Variants in TBC1D14 observed in about 807,000 individuals in gnomAD.
TBC1D14 encodes the protein TBC1 domain family member 14.
TBC1D14 carries 26 observed loss-of-function variants against 79.0 expected under a neutral mutation model. The ratio of observed to expected loss-of-function variants is 0.33; its 90% CI spans 0.24 to 0.46. The LOEUF (loss-of-function observed/expected upper bound fraction) is 0.46. Ranked by LOEUF, TBC1D14 falls within the 20% of genes least tolerant of loss-of-function variation. TBC1D14 has a pLI of 1.00. For missense variants in TBC1D14, 769 were observed against 887.6 expected (o/e 0.87, Z 1.70); for synonymous variants, 394 against 349.9 (o/e 1.13, Z -1.40).
At chr4:6,921,214 T>G (rs147397878) in intron 1 of TBC1D14, among the ~76,000 whole-genome samples, 7 of 152,202 alleles carry the variant, frequency 4.6e-5, no homozygotes, top group African/African-American at 1.7e-4. Flanking sequence ...TTTTTATTTA[T>G]TTATTTTTGA....
chr4:6,924,462 C>CT (rs1448267919), intron 2 of TBC1D14, among the ~76,000 whole-genome samples: 1 of 152,136 alleles, frequency 6.6e-6, no homozygotes, highest in Non-Finnish European at 1.5e-5. Context: ...GCAGAGGGCA[C>CT]TGGTGAGGGT....
At chr4:6,910,818 T>C (rs1327686815) in intron 1 of TBC1D14, among the ~76,000 whole-genome samples, 1 of 152,172 alleles carries the variant, frequency 6.6e-6, no homozygotes, top group African/African-American at 2.4e-5. Context: ...TAGCGTGGAA[T>C]TGGAAGCTTT....
chr4:6,988,064 G>A (rs952526188), intron 3 of TBC1D14, among the ~76,000 whole-genome samples: 1 of 152,190 alleles, frequency 6.6e-6, no homozygotes, highest in African/African-American at 2.4e-5. Flanking sequence ...GGGGTTAGCC[G>A]GGGCTGCCTT....
At position 6,923,759 on chromosome 4, in the gene TBC1D14, G is replaced by C; in HGVS notation, c.370G>C (p.Val124Leu). The change falls in exon 2 of 14, where the codon GTG (valine) becomes CTG (leucine). Residue 124 changes from valine (V) to leucine (L), a missense_variant. Coordinates refer to ENST00000409757, the MANE Select transcript of TBC1D14 (RefSeq NM_020773.3). ...TAGCAGCACCGAGCGGGAACAGAGCGTGCGCAAATCCTCCACGTTTCCCAG... is the reference window on the plus strand; with the variant it reads ...TAGCAGCACCGAGCGGGAACAGAGCCTGCGCAAATCCTCCACGTTTCCCAG... ...APSSTEREQS[V>L]RKSSTFPRTG... 6.2e-7 allele frequency: 1 copy of C among 1,614,036 alleles called. No homozygotes were observed. Among genetic ancestry groups the C allele is most frequent in the Non-Finnish European group, 8.5e-7 (1 of 1,180,048 alleles).
chr4:6,954,030 C>G (rs1329550365), intron 2 of TBC1D14, among the ~76,000 whole-genome samples: 1 of 152,298 alleles, frequency 6.6e-6, no homozygotes, highest in East Asian at 1.9e-4. Context: ...AGCCGTGTCC[C>G]AGGCCCGAGA....
intron 2 of TBC1D14, among the ~76,000 whole-genome samples, chr4:6,931,048 G>A (rs1040657370): frequency 1.3e-5 from 2 of 151,982 alleles, no homozygotes; most frequent in African/African-American, 2.4e-5. Flanking sequence ...TTACAGGTGC[G>A]CACTACCACA....
chr4:7,025,190 C>T lies in TBC1D14; in HGVS notation c.1944C>T (p.Asp648=). 6.2e-7 allele frequency: 1 copy of T among 1,614,214 alleles called. No homozygotes were observed. Among genetic ancestry groups the T allele is most frequent in the Non-Finnish European group, 8.5e-7 (1 of 1,180,032 alleles). The change falls in exon 13 of 14, where the codon GAC becomes GAT. Residue 648 remains aspartate (D), a synonymous_variant. Coordinates refer to ENST00000409757, the MANE Select transcript of TBC1D14 (RefSeq NM_020773.3). ...AGTTCCTGACCCGGCTGCCCGAGGA[C>T]CTGCCCGCCGAGGAGCTGTTTGCCT... ...MAQFLTRLPE[D]LPAEELFASI...
At chr4:6,944,763 G>T (rs1363666348) in intron 2 of TBC1D14, among the ~76,000 whole-genome samples, 1 of 152,202 alleles carries the variant, frequency 6.6e-6, no homozygotes, top group East Asian at 1.9e-4. Context: ...TCCCTGCACT[G>T]GTTCCACGGG....
intron 3 of TBC1D14, chr4:6,987,089 T>G: frequency 2.2e-6 from 2 of 907,536 alleles, no homozygotes; most frequent in Non-Finnish European, 2.7e-6. Flanking sequence ...CCCCGCCCCT[T>G]GTGCCCGCCC....
At chr4:7,026,578 T>C (rs908264731) in intron 13 of TBC1D14, among the ~76,000 whole-genome samples, 6 of 152,164 alleles carry the variant, frequency 3.9e-5, no homozygotes, top group Admixed American at 2.0e-4. Flanking sequence ...AGCCCTCTCT[T>C]GCTTGCCTTT....
intron 13 of TBC1D14, among the ~76,000 whole-genome samples, chr4:7,029,011 T>G (rs1483507909): frequency 2.0e-5 from 3 of 152,206 alleles, no homozygotes; most frequent in East Asian, 1.9e-4. Context: ...CCAATATTTG[T>G]TTGTTTTTGT....
intron 8 of TBC1D14, 72 bp downstream of exon 8, chr4:7,004,996 A>G: frequency 2.2e-6 from 3 of 1,382,110 alleles, no homozygotes; most frequent in South Asian, 1.2e-5. Context: ...CATAGTGAAG[A>G]AAGTTGACGT....
At chr4:7,015,926 A>G (rs985241190) in intron 12 of TBC1D14, among the ~76,000 whole-genome samples, 3 of 152,246 alleles carry the variant, frequency 2.0e-5, no homozygotes, top group Non-Finnish European at 4.4e-5. Flanking sequence ...GGCACGTTCC[A>G]CTAAATCGTA....
In TBC1D14 at chr4:6,999,191, C is replaced by G. The variant is rs989051988; in HGVS notation, c.1152C>G (p.Asn384Lys). 6.2e-7 allele frequency: 1 copy of G among 1,613,504 alleles called. No homozygotes were observed. Among genetic ancestry groups the G allele is most frequent in the Middle Eastern group, 1.7e-4 (1 of 6,042 alleles). Reference sequence around the variant, plus strand: ...CCTGGAATAATGAGATCTTACCTAACTGGGAAACAATGTAAGATGTGGCTC... The same window carrying G: ...CCTGGAATAATGAGATCTTACCTAAGTGGGAAACAATGTAAGATGTGGCTC... Reference protein sequence around the residue: ...VLTWNNEILPNWETMWCSRKV... With the variant: ...VLTWNNEILPKWETMWCSRKV... Residue 384 changes from asparagine to lysine, a missense_variant, in exon 6 of 14, where the codon AAC becomes AAG. Asn to Lys is a moderately conservative substitution (Grantham distance 94). Around this residue, in one of 2 missense-constraint regions of TBC1D14, gnomAD observed 367 missense variants for 494.4 expected, o/e 0.74. Transcript: ENST00000409757.
chr4:6,984,766 T>G (rs1463890450), intron 3 of TBC1D14, among the ~76,000 whole-genome samples: 1 of 152,210 alleles, frequency 6.6e-6, no homozygotes, highest in African/African-American at 2.4e-5. Flanking sequence ...TTGAGCACCT[T>G]CTCTCTGGTA....
intron 12 of TBC1D14, among the ~76,000 whole-genome samples, chr4:7,023,830 C>T (rs149990240): frequency 1.3e-3 from 197 of 152,370 alleles, no homozygotes; most frequent in African/African-American, 4.3e-3. Flanking sequence ...GCTCGCATAG[C>T]ACACAGCGCC....
rs1009863650 is a variant in TBC1D14, at chr4:6,960,081, C to T, written c.723-7223C>T. ...AAAGTTGGCTTTCTACCCTGTGCCC[C>T]TTTTTTTTTTTTTTTTTTGACACAG... is the stretch of plus-strand genomic sequence containing the variant. On this transcript the variant is annotated intron_variant, in intron 2 of 13. Coordinates refer to ENST00000409757, the MANE Select transcript of TBC1D14 (RefSeq NM_020773.3). 7.8e-4 allele frequency among the ~76,000 whole-genome samples: 102 copies of T among 131,306 alleles called. 2 individuals are homozygous for T. In the South Asian group the frequency reaches 0.019, roughly 25 times the overall value. The allele number at this position is 131,306 out of a possible 152,430, so 86.1% of individuals were successfully genotyped here. A position where few individuals can be genotyped will look rare whatever the true frequency, so the allele number is the denominator to read the frequency against.
intron 2 of TBC1D14, among the ~76,000 whole-genome samples, chr4:6,932,836 CAAAT>C (rs1303308053): frequency 6.6e-6 from 1 of 152,160 alleles, no homozygotes; most frequent in East Asian, 1.9e-4. Flanking sequence ...TGCTGCATAA[CAAAT>C]AACCACACAT....
At chr4:6,947,246 C>T (rs1298750039) in intron 2 of TBC1D14, among the ~76,000 whole-genome samples, 1 of 152,066 alleles carries the variant, frequency 6.6e-6, no homozygotes, top group African/African-American at 2.4e-5. Context: ...GCCTGTAATC[C>T]CAGCACTTTG....
Sources: gnomAD v4.1 joint callset for allele counts (sites outside exome capture counted in the v4.1 genomes callset) on GRCh38, gnomAD v4.1.1 for gene constraint, gnomAD v4.1.1 regional missense constraint, MANE v1.5 for transcripts, NCBI Gene and HGNC (gene_info 2026-07-23, HGNC 2026-07-21) for gene names.